The following RNGTT variants were observed in gnomAD, a reference collection of about 807,000 sequenced individuals.
The protein encoded by RNGTT is RNA guanylyltransferase and 5'-phosphatase.
RNGTT carries 33 observed loss-of-function variants against 79.3 expected under a neutral mutation model. The observed-to-expected ratio is 0.42, with a 90% CI of 0.32 to 0.56. The LOEUF (loss-of-function observed/expected upper bound fraction) is 0.56, where lower values mean the gene tolerates loss of function less well. Among genes scored for constraint, RNGTT ranks in the 20% least tolerant of loss-of-function variants. The pLI, the probability that RNGTT is intolerant of heterozygous loss-of-function variation, is 0.17. For synonymous variants in RNGTT, 222 were observed against 235.9 expected (o/e 0.94, Z 0.54); for missense variants, 497 against 739.1 (o/e 0.67, Z 3.80).
intron 11 of RNGTT, among the ~76,000 whole-genome samples, chr6:88,809,488 T>C (rs1780065832): frequency 6.6e-6 from 1 of 152,116 alleles, no homozygotes; most frequent in African/African-American, 2.4e-5. Context: ...AAAAAATGCT[T>C]TTTTTTCCTA....
At chr6:88,672,812 C>T (rs1293135754) in intron 14 of RNGTT, among the ~76,000 whole-genome samples, 1 of 152,154 alleles carries the variant, frequency 6.6e-6, no homozygotes, top group African/African-American at 2.4e-5. Context: ...CCCAAGTTTA[C>T]ACATATTTAT....
intron 8 of RNGTT, among the ~76,000 whole-genome samples, chr6:88,888,426 T>C (rs991491147): frequency 6.6e-6 from 1 of 152,194 alleles, no homozygotes; most frequent in Non-Finnish European, 1.5e-5. Context: ...AATATAATTT[T>C]AATATTCTGA....
At chr6:88,707,640 G>A (rs950346409) in intron 13 of RNGTT, among the ~76,000 whole-genome samples, 2 of 151,372 alleles carry the variant, frequency 1.3e-5, no homozygotes, top group East Asian at 3.9e-4. Flanking sequence ...TGAAACTCAT[G>A]GGTGAATGCC....
intron 12 of RNGTT, among the ~76,000 whole-genome samples, chr6:88,779,424 T>C (rs1235765120): frequency 1.3e-5 from 2 of 152,212 alleles, no homozygotes; most frequent in African/African-American, 4.8e-5. Flanking sequence ...AATAGGTACC[T>C]AATGATAAAT....
At chr6:88,955,504 C>T (rs150898658) in intron 1 of RNGTT, among the ~76,000 whole-genome samples, 3,232 of 145,902 alleles carry the variant, frequency 0.022, 37 homozygotes, top group Non-Finnish European at 0.034. Context: ...GAGCCAAGAT[C>T]GTACCACTGC....
chr6:88,727,103 G>A (rs565976565), intron 13 of RNGTT, among the ~76,000 whole-genome samples: 120 of 152,138 alleles, frequency 7.9e-4, no homozygotes, highest in Middle Eastern at 3.4e-3. Context: ...AAGTCAGAAA[G>A]TTGAGGCATG....
chr6:88,921,181 C>T (rs1472851668), intron 4 of RNGTT, among the ~76,000 whole-genome samples: 1 of 152,010 alleles, frequency 6.6e-6, no homozygotes, highest in Non-Finnish European at 1.5e-5. Flanking sequence ...CAGCCTTGCA[C>T]AAACTCTTGC....
chr6:88,632,558 C>CACAG (rs1772939603), intron 14 of RNGTT, among the ~76,000 whole-genome samples: 1 of 149,552 alleles, frequency 6.7e-6, no homozygotes, highest in South Asian at 2.1e-4. Context: ...CACACACACA[C>CACAG]ACACACACAC....
At chr6:88,614,024 C>T (rs183365615) in intron 15 of RNGTT, among the ~76,000 whole-genome samples, 1 of 152,184 alleles carries the variant, frequency 6.6e-6, no homozygotes, top group Admixed American at 6.5e-5. Flanking sequence ...TTGTATACAG[C>T]CCAGTATCCT....
At chr6:88,724,476 G>C (rs1776817964) in intron 13 of RNGTT, among the ~76,000 whole-genome samples, 1 of 152,134 alleles carries the variant, frequency 6.6e-6, no homozygotes, top group Non-Finnish European at 1.5e-5. Context: ...CTAGGTGTGT[G>C]GTAGGTTATA....
At chr6:88,957,138 A>C (rs1415135308) in intron 1 of RNGTT, among the ~76,000 whole-genome samples, 1 of 152,224 alleles carries the variant, frequency 6.6e-6, no homozygotes, top group African/African-American at 2.4e-5. Flanking sequence ...GTATTTGACA[A>C]AATCCAGTAT....
chr6:88,875,304 G>A (rs1279181327), intron 8 of RNGTT, among the ~76,000 whole-genome samples: 1 of 151,966 alleles, frequency 6.6e-6, no homozygotes, highest in East Asian at 1.9e-4. Flanking sequence ...GAAGATGAAG[G>A]TATAATGTCT....
chr6:88,685,220 T>C (rs1212994701), intron 13 of RNGTT, among the ~76,000 whole-genome samples: 1 of 152,156 alleles, frequency 6.6e-6, no homozygotes, highest in African/African-American at 2.4e-5. Context: ...GTTGATATCA[T>C]CTGTACATCA....
intron 13 of RNGTT, among the ~76,000 whole-genome samples, chr6:88,750,359 C>T (rs1777801164): frequency 6.6e-6 from 1 of 152,020 alleles, no homozygotes; most frequent in Non-Finnish European, 1.5e-5. Flanking sequence ...CAATATAATG[C>T]AAGTTTGAAT....
At chr6:88,766,996 TAGATATA>T (rs1345347540) in intron 13 of RNGTT, among the ~76,000 whole-genome samples, 1 of 152,120 alleles carries the variant, frequency 6.6e-6, no homozygotes, top group Non-Finnish European at 1.5e-5. Flanking sequence ...TGCTAAGCAT[TAGATATA>T]AACTCATTTA....
intron 14 of RNGTT, among the ~76,000 whole-genome samples, chr6:88,629,628 A>G (rs984009329): frequency 6.6e-6 from 1 of 152,174 alleles, no homozygotes; most frequent in South Asian, 2.1e-4. Context: ...TACGCAGGCA[A>G]AGAAAAAAGT....
At chr6:88,878,662 T>C (rs143163200) in intron 8 of RNGTT, among the ~76,000 whole-genome samples, 4 of 152,338 alleles carry the variant, frequency 2.6e-5, no homozygotes, top group East Asian at 1.9e-4. Context: ...AGATAGGAGA[T>C]AAATTCTTAT....
chr6:88,774,669 C>T (rs9351182), intron 12 of RNGTT, among the ~76,000 whole-genome samples: 21,090 of 152,106 alleles, frequency 0.14, 1,597 homozygotes, highest in Middle Eastern at 0.24. Flanking sequence ...TGCTGCCAAA[C>T]GGATGAACCT....
intron 13 of RNGTT, among the ~76,000 whole-genome samples, chr6:88,768,976 A>G (rs1173620675): frequency 1.3e-5 from 2 of 152,240 alleles, no homozygotes; most frequent in Non-Finnish European, 2.9e-5. Context: ...TTTGCTCTGC[A>G]AATGCAAACA....
Sources: gnomAD v4.1 joint callset for allele counts (sites outside exome capture counted in the v4.1 genomes callset) on GRCh38, gnomAD v4.1.1 for gene constraint, MANE v1.5 for transcripts, NCBI Gene and HGNC (gene_info 2026-07-23, HGNC 2026-07-21) for gene names.